The following EIF4G1 variants were observed in gnomAD, a reference collection of about 807,000 sequenced individuals.
EIF4G1 encodes eukaryotic translation initiation factor 4 gamma 1, also known as EIF4-gamma.
Under a neutral mutation model 187.8 loss-of-function variants are expected in EIF4G1, and 4 were observed. The observed-to-expected ratio is 0.02, with a 90% CI of 0.01 to 0.05. The LOEUF is 0.05. Ranked by LOEUF, EIF4G1 falls within the 10% of genes least tolerant of loss-of-function variation. The pLI, the probability that EIF4G1 is intolerant of heterozygous loss-of-function variation, is 1.00. For synonymous variants in EIF4G1, 844 were observed against 781.4 expected, an observed-to-expected ratio of 1.08 and a Z score of -1.34; for missense variants, 1,647 against 2,081.1, an observed-to-expected ratio of 0.79 and a Z score of 4.06.
At chr3:184,328,800 G>A in intron 27 of EIF4G1, 44 bp downstream of exon 27, 1 of 1,614,170 alleles carries the variant, frequency 6.2e-7, no homozygotes, top group Non-Finnish European at 8.5e-7. Flanking sequence ...AAGACCAGAG[G>A]AAAGGTGGTA....
At position 184,327,304 on chromosome 3, in the gene EIF4G1, C is replaced by T. The variant is rs200560380; in HGVS notation, c.3517C>T (p.Arg1173Trp). 84 of 1,613,704 alleles carry T rather than the reference C, an allele frequency of 5.2e-5. No homozygotes were observed. Among genetic ancestry groups the T allele is most frequent in the Admixed American group, 8.3e-5 (5 of 60,002 alleles). The stretch of plus-strand genomic sequence containing the variant: ...TGAACGGGGAGGGGACCGTGGGGAC[C>T]GGCTTGATCGTGCGCGGACACCTGC... Reference protein sequence around the residue: ...RSERGGDRGDRLDRARTPATK... With the variant: ...RSERGGDRGDWLDRARTPATK... Residue 1173 changes from arginine (R) to tryptophan (W), a missense_variant, in exon 24 of 33, where the codon CGG becomes TGG. Coordinates refer to ENST00000346169, the MANE Select transcript of EIF4G1 (RefSeq NM_198241.3).
At chr3:184,333,762 T>C (rs962449314) in intron 32 of EIF4G1, among the ~76,000 whole-genome samples, 6 of 152,144 alleles carry the variant, frequency 3.9e-5, no homozygotes, top group African/African-American at 1.4e-4. Flanking sequence ...AGCTGTAAGA[T>C]AGTGGTTGAA....
chr3:184,331,511 G>T lies in EIF4G1; in HGVS notation c.4300G>T (p.Gly1434Cys), dbSNP rs777194473. 8 of 1,614,106 alleles carry T rather than the reference G, an allele frequency of 5.0e-6. No individual in the cohort carries two copies. The highest frequency in any genetic ancestry group is 6.8e-6 in the Non-Finnish European group (8 of 1,180,046). Residue 1434 changes from glycine to cysteine, a missense_variant, in exon 30 of 33, where the codon GGC becomes TGC. Physicochemically the swap from Gly to Cys is radical, Grantham distance 159. Transcript: ENST00000346169. ...CCTGGGAGAGGAGTCGGAAGCCCCT[G>T]GCCAGAGGGCACTCCCCTCCGAGGA... ...YTLGEESEAP[G>C]QRALPSEELN...
In EIF4G1 at chr3:184,323,515, A is replaced by G; in HGVS notation, c.2196A>G (p.Lys732=). 2 of 1,614,192 alleles carry G rather than the reference A, an allele frequency of 1.2e-6. No homozygotes were observed. The highest frequency in any genetic ancestry group is 1.7e-6 in the Non-Finnish European group (2 of 1,180,040). Residue 732 remains lysine (K), a synonymous_variant, in exon 15 of 33, where the codon AAA becomes AAG. Coordinates refer to ENST00000346169, the MANE Select transcript of EIF4G1 (RefSeq NM_198241.3). The surrounding 1 kb of genome is among the most constrained non-coding windows in gnomAD (Gnocchi z 6.9). ...ATATAAAACTGAACAAAGCAGAGAA[A>G]GCCTGGAAACCCAGCAGCAAGCGGA... ...TEDIKLNKAE[K]AWKPSSKRTA...
At position 184,325,247 on chromosome 3, in the gene EIF4G1, C is replaced by G; in HGVS notation, c.2857-22C>G. ...AGGTGGGACATGAGAAGTTCCTGGT[C>G]TGATGCCTTTCTCCTTCCTAGCCCC... On this transcript the variant is annotated intron_variant, in intron 18 of 32. Transcript: ENST00000346169. This position sits in a 1 kb window ranked among gnomAD's most constrained non-coding sequence, Gnocchi z 5.2. 1 of 1,613,496 alleles carries G rather than the reference C, an allele frequency of 6.2e-7. No individual in the cohort carries two copies. Among genetic ancestry groups the G allele is most frequent in the Non-Finnish European group, 8.5e-7 (1 of 1,179,478 alleles).
In EIF4G1 at chr3:184,327,256, C is replaced by G. The variant is rs761782816; in HGVS notation, c.3469C>G (p.Arg1157Gly). Residue 1157 changes from arginine (R) to glycine (G), a missense_variant, in exon 24 of 33, where the codon CGA becomes GGA. Physicochemically the swap from Arg to Gly is moderately radical, Grantham distance 125. Around this residue, in one of 11 missense-constraint regions of EIF4G1, gnomAD observed 543 missense variants for 638.0 expected, o/e 0.85. Transcript: ENST00000346169. ...AGAACGAGGCGAGAAAGCTGGAGACCGAGGAGACCGCCTAGAGCGGAGTGA... is the reference window on the plus strand; with the variant it reads ...AGAACGAGGCGAGAAAGCTGGAGACGGAGGAGACCGCCTAGAGCGGAGTGA... ...SRERGEKAGD[R>G]GDRLERSERG... is the part of the protein sequence containing the mutation. The G allele has an allele frequency of 1.9e-6, 3 of 1,613,228 alleles. No individual in the cohort carries two copies. Among genetic ancestry groups the G allele is most frequent in the South Asian group, 2.2e-5 (2 of 91,048 alleles).
rs1723878857 is a variant in EIF4G1 at position 184,321,326 on chromosome 3, C to T, written c.742C>T (p.Pro248Ser). 1 of 1,614,046 alleles carries T rather than the reference C, an allele frequency of 6.2e-7. No homozygotes were observed. Among genetic ancestry groups the T allele is most frequent in the Non-Finnish European group, 8.5e-7 (1 of 1,180,042 alleles). Residue 248 changes from proline to serine, a missense_variant, in exon 10 of 33, where the codon CCT becomes TCT. Transcript: ENST00000346169. ...AATCATTGCTGACCGGCCAGGGCTG[C>T]CTGGCCCAGAGCATAGCCCTTCAGA... ...GAIIADRPGL[P>S]GPEHSPSESQ...
intron 6 of EIF4G1, 48 bp downstream of exon 6, chr3:184,317,864 C>G: frequency 2.2e-6 from 3 of 1,357,444 alleles, no homozygotes; most frequent in Non-Finnish European, 3.2e-6. Flanking sequence ...AAGGGAGCAT[C>G]TAAACTCATC....
chr3:184,335,129 G>T lies in EIF4G1; in HGVS notation c.*221G>T, dbSNP rs758580295. On this transcript the variant is annotated 3_prime_UTR_variant, in exon 33 of 33. Coordinates refer to ENST00000346169, the MANE Select transcript of EIF4G1 (RefSeq NM_198241.3). The stretch of plus-strand genomic sequence containing the variant: ...CCCTCTCCTCCCCCTGGGGCACAGA[G>T]ATATATTATATATAAAGTCTTGAAA... 17 of 587,530 alleles carry T rather than the reference G, an allele frequency of 2.9e-5. No homozygotes were observed. Among genetic ancestry groups the T allele is most frequent in the Non-Finnish European group, 3.6e-5 (12 of 332,584 alleles). 36.4% of individuals were successfully genotyped at this position (587,530 alleles called of 1,614,324 possible). A position where few individuals can be genotyped will look rare whatever the true frequency, so the allele number is the denominator to read the frequency against.
intron 32 of EIF4G1, among the ~76,000 whole-genome samples, chr3:184,332,380 G>A (rs1308754292): frequency 1.3e-5 from 2 of 152,200 alleles, no homozygotes; most frequent in African/African-American, 4.8e-5. Flanking sequence ...GTGCCCCCAC[G>A]GCGTGGCACA....
chr3:184,320,327 C>CTGGGCCCCA (rs1170016407), intron 7 of EIF4G1: 1 of 1,314,582 alleles, frequency 7.6e-7, no homozygotes, highest in African/African-American at 1.5e-5. Context: ...GATGGGGGTC[C>CTGGGCCCCA]TGGGCCCCAG....
chr3:184,323,899 T>C lies in EIF4G1; in HGVS notation c.2394T>C (p.Ile798=). 1.2e-6 allele frequency: 2 copies of C among 1,614,214 alleles called. No individual in the cohort carries two copies. The highest frequency in any genetic ancestry group is 1.7e-6 in the Non-Finnish European group (2 of 1,180,042). Reference sequence around the variant, plus strand: ...CCGAGGAACGCCTCAAAGGGGTCATTGACCTCATTTTTGAGAAGGCCATTT... The same window carrying C: ...CCGAGGAACGCCTCAAAGGGGTCATCGACCTCATTTTTGAGAAGGCCATTT... The part of the protein sequence containing the change: ...IDTEERLKGV[I]DLIFEKAISE... Residue 798 remains isoleucine (I), a synonymous_variant, in exon 16 of 33, where the codon ATT becomes ATC. Coordinates refer to ENST00000346169, the MANE Select transcript of EIF4G1 (RefSeq NM_198241.3). This position sits in a 1 kb window ranked among gnomAD's most constrained non-coding sequence, Gnocchi z 6.9.
intron 5 of EIF4G1, 47 bp from the exon 6 acceptor site, chr3:184,317,670 T>G (rs1014403591): frequency 3.2e-6 from 5 of 1,566,160 alleles, no homozygotes; most frequent in Non-Finnish European, 4.4e-6. Context: ...GATATGGAAC[T>G]CATAGCTCCC....
chr3:184,319,540 A>ACC (rs1723474731), intron 6 of EIF4G1, 149 bp from the exon 7 acceptor site: 1 of 671,528 alleles, frequency 1.5e-6, no homozygotes, highest in Non-Finnish European at 2.8e-6. Flanking sequence ...CAGACACCTA[A>ACC]TTCCCTGGGG....
chr3:184,332,046 C>T lies in EIF4G1; in HGVS notation c.4578C>T (p.Tyr1526=), dbSNP rs747865216. 3.3e-5 allele frequency: 53 copies of T among 1,614,218 alleles called. No individual in the cohort carries two copies. Among genetic ancestry groups the T allele is most frequent in the South Asian group, 2.9e-4 (26 of 91,084 alleles). Residue 1526 remains tyrosine (Y), a synonymous_variant, in exon 32 of 33, where the codon TAC becomes TAT. Coordinates refer to ENST00000346169, the MANE Select transcript of EIF4G1 (RefSeq NM_198241.3). ...CDEQKELQAL[Y]ALQALVVTLE... ...AGCAGAAGGAGCTACAGGCGCTCTA[C>T]GCCCTCCAGGCCCTTGTAGTGACCT...
chr3:184,322,112 T>C lies in EIF4G1; in HGVS notation c.1519+9T>C, dbSNP rs1193913794. On this transcript the variant is annotated intron_variant, in intron 10 of 32. Transcript: ENST00000346169. Reference sequence around the variant, plus strand: ...AGCAGCAGCCACTCAAGGTAAGGTGTGGTTGGACGGTAGAGGTAGGGCGGG... The same window carrying C: ...AGCAGCAGCCACTCAAGGTAAGGTGCGGTTGGACGGTAGAGGTAGGGCGGG... 1.2e-6 allele frequency: 2 copies of C among 1,613,848 alleles called. No individual in the cohort carries two copies. Among genetic ancestry groups the C allele is most frequent in the African/African-American group, 2.7e-5 (2 of 74,878 alleles).
At position 184,325,155 on chromosome 3, in the gene EIF4G1, A is replaced by G. The variant is rs1724630943; in HGVS notation, c.2856+41A>G. 1.2e-6 allele frequency: 2 copies of G among 1,607,788 alleles called. No homozygotes were observed. Among genetic ancestry groups the G allele is most frequent in the African/African-American group, 1.3e-5 (1 of 74,750 alleles). On this transcript the variant is annotated intron_variant, in intron 18 of 32. Coordinates refer to ENST00000346169, the MANE Select transcript of EIF4G1 (RefSeq NM_198241.3). The surrounding 1 kb of genome is among the most constrained non-coding windows in gnomAD (Gnocchi z 5.2). ...TCTGGAGGGGGATGGGCTGAAGCAT[A>G]TGTGGGGCTCACTGAGCCCACAATG...
In EIF4G1 at chr3:184,325,963, T is replaced by C; in HGVS notation, c.3222+12T>C. 3 of 1,613,550 alleles carry C rather than the reference T, an allele frequency of 1.9e-6. No individual in the cohort carries two copies. The highest frequency in any genetic ancestry group is 2.5e-6 in the Non-Finnish European group (3 of 1,179,566). ...CCAAGATCACCAAGGTAGGGGTGTG[T>C]GTGGGAGTGGGTGATTCAGCTCAGG... On this transcript the variant is annotated intron_variant, in intron 21 of 32. Coordinates refer to ENST00000346169, the MANE Select transcript of EIF4G1 (RefSeq NM_198241.3). The surrounding 1 kb of genome is among the most constrained non-coding windows in gnomAD (Gnocchi z 5.2).
At position 184,322,958 on chromosome 3, in the gene EIF4G1, A is replaced by T; in HGVS notation, c.1929+4A>T. On this transcript the variant is annotated splice_donor_region_variant and intron_variant, in intron 13 of 32. Coordinates refer to ENST00000346169, the MANE Select transcript of EIF4G1 (RefSeq NM_198241.3). ...CAGTGACGTGGTGCTGGACAAGGTT[A>T]GTGGCTTCAGTTGGGGAGGGGACGA... 6.2e-7 allele frequency: 1 copy of T among 1,614,160 alleles called. No individual in the cohort carries two copies. The highest frequency in any genetic ancestry group is 1.1e-5 in the South Asian group (1 of 91,082).
Sources: gnomAD v4.1 joint callset for allele counts (sites outside exome capture counted in the v4.1 genomes callset) on GRCh38, gnomAD v4.1.1 for gene constraint, gnomAD v4.1.1 regional missense constraint, Gnocchi (gnomAD v3.1) non-coding constraint, MANE v1.5 for transcripts, NCBI Gene and HGNC (gene_info 2026-07-23, HGNC 2026-07-21) for gene names.